The following CCND3 variants were observed in gnomAD, a reference collection of about 807,000 sequenced individuals.
CCND3 encodes G1/S-specific cyclin-D3.
CCND3 carries 9 observed loss-of-function variants against 28.7 expected under a neutral mutation model. The ratio of observed to expected loss-of-function variants is 0.31; its 90% CI spans 0.19 to 0.55. The LOEUF is 0.55. Among genes scored for constraint, CCND3 ranks in the 20% least tolerant of loss-of-function variants. The pLI, the probability that CCND3 is intolerant of heterozygous loss-of-function variation, is 0.93. For missense variants in CCND3, 315 were observed against 385.8 expected (o/e 0.82, Z 1.54); for synonymous variants, 164 against 163.9 (o/e 1.00, Z 0.00).
At chr6:41,958,848 T>C (rs747103450) in intron 1 of CCND3, among the ~76,000 whole-genome samples, 18 of 152,342 alleles carry the variant, frequency 1.2e-4, no homozygotes, top group Non-Finnish European at 2.4e-4. Context: ...GTGGAGAAAC[T>C]AGAACATTCA....
At chr6:41,967,283 CTAAG>C (rs924197883) in intron 1 of CCND3, among the ~76,000 whole-genome samples, 1 of 152,242 alleles carries the variant, frequency 6.6e-6, no homozygotes, top group Non-Finnish European at 1.5e-5. Context: ...TCATCCTACC[CTAAG>C]TCTCTTCAAT....
chr6:41,941,552 C>A lies in CCND3; in HGVS notation c.98G>T (p.Arg33Leu), dbSNP rs755426354. 18 of 1,593,436 alleles carry A rather than the reference C, an allele frequency of 1.1e-5. No homozygotes were observed. Among genetic ancestry groups the A allele is most frequent in the Non-Finnish European group, 1.4e-5 (17 of 1,172,582 alleles). The change falls in exon 1 of 5, where the codon CGC (arginine) becomes CTC (leucine). Residue 33 changes from arginine (R) to leucine (L), a missense_variant. Transcript: ENST00000372991. The surrounding 1 kb of genome is among the most constrained non-coding windows in gnomAD (Gnocchi z 6.1). ...GCGGGGTACGTAGCGCTCCTCCAGG[C>A]GGAGCAGGCTCTGCAGGACACGCTG... ...GDQRVLQSLL[R>L]LEERYVPRAS...
At chr6:42,028,035 C>T (rs1477133520) in intron 1 of CCND3, among the ~76,000 whole-genome samples, 3 of 152,194 alleles carry the variant, frequency 2.0e-5, no homozygotes, top group Non-Finnish European at 4.4e-5. Context: ...GCGTGAGACA[C>T]CACGCCCGGC....
Position 41,937,322 on chromosome 6 carries a change from A to C in CCND3, c.487T>G (p.Phe163Val). The C allele has an allele frequency of 6.2e-7, 1 of 1,614,170 alleles. No homozygotes were observed. Among genetic ancestry groups the C allele is most frequent in the Non-Finnish European group, 8.5e-7 (1 of 1,180,030 alleles). ...GGCAGAGAGAGCCGGTGCAGAATGA[A>C]GGCCAGGAAATCATGTGCAATCACA... The part of the protein sequence containing the change: ...AAVIAHDFLA[F>V]ILHRLSLPRD... Residue 163 changes from phenylalanine to valine, a missense_variant, in exon 3 of 5, where the codon TTC (phenylalanine) becomes GTC (valine). Physicochemically the swap from Phe to Val is conservative, Grantham distance 50. Transcript: ENST00000372991.
At chr6:41,988,999 G>T (rs1762575545) in intron 1 of CCND3, among the ~76,000 whole-genome samples, 1 of 151,696 alleles carries the variant, frequency 6.6e-6, no homozygotes, top group African/African-American at 2.4e-5. Flanking sequence ...TCGCCCGGCC[G>T]ATAAGCTGAA....
chr6:42,005,359 T>C (rs992087289), intron 1 of CCND3, among the ~76,000 whole-genome samples: 1 of 151,906 alleles, frequency 6.6e-6, no homozygotes, highest in African/African-American at 2.4e-5. Flanking sequence ...CTGAGCAGCA[T>C]GGTGAAACCC....
At chr6:41,940,622 C>T (rs1775970181) in intron 1 of CCND3, 37 bp from the exon 2 acceptor site, 4 of 1,444,732 alleles carry the variant, frequency 2.8e-6, no homozygotes, top group Non-Finnish European at 3.9e-6. Flanking sequence ...GGGTCTGGAG[C>T]GTGGGGAACA....
intron 1 of CCND3, among the ~76,000 whole-genome samples, chr6:42,016,251 T>C (rs967531615): frequency 6.6e-6 from 1 of 152,300 alleles, no homozygotes; most frequent in Admixed American, 6.5e-5. Flanking sequence ...TGTTTTTTAC[T>C]AACCATAGTC....
upstream of CCND3, among the ~76,000 whole-genome samples, chr6:41,944,908 A>G (rs1330425104): frequency 6.6e-6 from 1 of 152,220 alleles, no homozygotes; most frequent in East Asian, 1.9e-4. Context: ...TTCAGGGCCA[A>G]GGACTGGCCA....
intron 1 of CCND3, among the ~76,000 whole-genome samples, chr6:41,996,136 A>AT (rs1284611694): frequency 8.9e-5 from 1 of 11,256 alleles, no homozygotes; most frequent in African/African-American, 1.6e-4. Context: ...ATATATATAT[A>AT]TATTTTTTTT....
intron 1 of CCND3, among the ~76,000 whole-genome samples, chr6:42,042,607 G>A (rs189486053): frequency 2.6e-5 from 4 of 152,234 alleles, no homozygotes; most frequent in East Asian, 3.9e-4. Context: ...TGATCCACCC[G>A]CCTCAGCCTT....
At chr6:41,956,740 C>T (rs1776445490) in intron 1 of CCND3, among the ~76,000 whole-genome samples, 1 of 152,066 alleles carries the variant, frequency 6.6e-6, no homozygotes. Context: ...TAATATAAAA[C>T]AATGGTGGCC....
At chr6:42,026,944 A>T (rs1027740991) in intron 1 of CCND3, among the ~76,000 whole-genome samples, 5 of 152,110 alleles carry the variant, frequency 3.3e-5, no homozygotes, top group Non-Finnish European at 7.4e-5. Context: ...TATGGGAGAA[A>T]TTTCCATTTT....
At chr6:41,954,424 G>A (rs1024161363) in intron 1 of CCND3, among the ~76,000 whole-genome samples, 14 of 149,202 alleles carry the variant, frequency 9.4e-5, no homozygotes, top group Non-Finnish European at 1.8e-4. Flanking sequence ...TGTGGCGTGC[G>A]CCTGTAATCC....
chr6:41,936,225 C>CGCCCCCA lies in CCND3; in HGVS notation c.712-119_712-118insTGGGGGC. On this transcript the variant is annotated intron_variant, in intron 4 of 4. Transcript: ENST00000372991. This position sits in a 1 kb window ranked among gnomAD's most constrained non-coding sequence, Gnocchi z 4.4. ...AGTCTGGGGAGGTTAGGCCACAGCC[C>CGCCCCCA]GGCCCCAGGAATCGCTCTTTAGTTC... The CGCCCCCA allele has an allele frequency of 8.9e-7, 1 of 1,129,258 alleles. No individual in the cohort carries two copies. The highest frequency in any genetic ancestry group is 1.2e-6 in the Non-Finnish European group (1 of 805,072). 70.0% of individuals were successfully genotyped at this position (1,129,258 alleles called of 1,614,324 possible). A position where few individuals can be genotyped will look rare whatever the true frequency, so the allele number is the denominator to read the frequency against.
At chr6:42,027,394 C>T (rs868577517) in intron 1 of CCND3, among the ~76,000 whole-genome samples, 8 of 151,156 alleles carry the variant, frequency 5.3e-5, no homozygotes, top group African/African-American at 1.2e-4. Flanking sequence ...GAGCCGAGAT[C>T]GCGCCACTGC....
chr6:42,029,334 G>A (rs1763979044), intron 1 of CCND3, among the ~76,000 whole-genome samples: 1 of 152,028 alleles, frequency 6.6e-6, no homozygotes, highest in Non-Finnish European at 1.5e-5. Flanking sequence ...TGCAAACTAT[G>A]TAGCTAGTCC....
intron 1 of CCND3, among the ~76,000 whole-genome samples, chr6:41,970,790 T>C (rs896427524): frequency 5.9e-5 from 9 of 152,360 alleles, no homozygotes; most frequent in Admixed American, 4.6e-4. Context: ...TCAGATGCAA[T>C]TGAGAAATAC....
intron 1 of CCND3, among the ~76,000 whole-genome samples, chr6:41,984,626 G>T (rs1762434385): frequency 6.6e-6 from 1 of 152,194 alleles, no homozygotes; most frequent in South Asian, 2.1e-4. Context: ...GGGATTACAG[G>T]CATGAGCCAC....
Sources: gnomAD v4.1 joint callset for allele counts (sites outside exome capture counted in the v4.1 genomes callset) on GRCh38, gnomAD v4.1.1 for gene constraint, Gnocchi (gnomAD v3.1) non-coding constraint, MANE v1.5 for transcripts, NCBI Gene and HGNC (gene_info 2026-07-23, HGNC 2026-07-21) for gene names.